Variants in CDK14 observed in about 807,000 individuals in gnomAD.
CDK14 encodes the protein cyclin dependent kinase 14, also known as cyclin-dependent kinase 14.
Under a neutral mutation model 60.7 loss-of-function variants are expected in CDK14, and 34 were observed. The ratio of observed to expected loss-of-function variants is 0.56; its 90% CI spans 0.43 to 0.75. CDK14 has a LOEUF of 0.75. CDK14 is among the 30% of genes least tolerant of loss of function. The pLI is 0.00. For missense variants in CDK14, 482 were observed against 564.1 expected (o/e 0.85, Z 1.47); for synonymous variants, 197 against 203.7 (o/e 0.97, Z 0.28).
At chr7:91,098,757 G>A (rs115099774) in intron 12 of CDK14, among the ~76,000 whole-genome samples, 43 of 152,192 alleles carry the variant, frequency 2.8e-4, no homozygotes, top group African/African-American at 9.6e-4. Flanking sequence ...ATTCACCAAA[G>A]TTGAGATAAA....
chr7:90,858,184 T>A (rs1790891065), intron 5 of CDK14, among the ~76,000 whole-genome samples: 1 of 152,176 alleles, frequency 6.6e-6, no homozygotes, highest in Non-Finnish European at 1.5e-5. Flanking sequence ...AAAAATGACT[T>A]GATGCTTTTC....
intron 2 of CDK14, among the ~76,000 whole-genome samples, chr7:90,687,698 T>A (rs1277753721): frequency 6.6e-6 from 1 of 152,134 alleles, no homozygotes; most frequent in Non-Finnish European, 1.5e-5. Context: ...AAGAGTCTCC[T>A]TCTCACCCCC....
intron 1 of CDK14, among the ~76,000 whole-genome samples, chr7:90,601,023 C>T (rs1403796010): frequency 1.3e-5 from 2 of 152,196 alleles, no homozygotes; most frequent in African/African-American, 2.4e-5. Flanking sequence ...CAGATTCTAC[C>T]ATGAAGATTA....
chr7:90,884,409 A>G (rs540078456), intron 6 of CDK14, among the ~76,000 whole-genome samples: 1 of 152,320 alleles, frequency 6.6e-6, no homozygotes, highest in Admixed American at 6.5e-5. Flanking sequence ...GGGGAACTAC[A>G]AACCATTGCT....
intron 9 of CDK14, among the ~76,000 whole-genome samples, chr7:90,956,039 A>G (rs1362357124): frequency 6.6e-6 from 1 of 152,178 alleles, no homozygotes; most frequent in Non-Finnish European, 1.5e-5. Flanking sequence ...GGACAGGGGC[A>G]GAGACATTTT....
chr7:91,180,008 T>C (rs1562984714), intron 14 of CDK14, among the ~76,000 whole-genome samples: 1 of 152,122 alleles, frequency 6.6e-6, no homozygotes, highest in Admixed American at 6.5e-5. Context: ...TATAGAGTAA[T>C]AAATCAAGAC....
chr7:91,108,892 A>T (rs187152984), intron 12 of CDK14, among the ~76,000 whole-genome samples: 1 of 152,352 alleles, frequency 6.6e-6, no homozygotes, highest in Admixed American at 6.5e-5. Context: ...TTGAGGTGCA[A>T]CTTAAAAGAG....
chr7:90,763,004 C>T (rs1212492557), intron 4 of CDK14, among the ~76,000 whole-genome samples: 5 of 151,988 alleles, frequency 3.3e-5, no homozygotes, highest in African/African-American at 7.3e-5. Flanking sequence ...CTGCAGTAGC[C>T]GTGTTAATTT....
At chr7:90,710,052 G>A in intron 2 of CDK14, 2 of 900,922 alleles carry the variant, frequency 2.2e-6, no homozygotes, top group Non-Finnish European at 1.3e-6. Context: ...AACTTAAAAA[G>A]GATTCATTTT....
intron 5 of CDK14, among the ~76,000 whole-genome samples, chr7:90,850,493 G>A (rs1269397392): frequency 6.6e-6 from 1 of 152,138 alleles, no homozygotes; most frequent in Non-Finnish European, 1.5e-5. Flanking sequence ...GAGAAGGTTA[G>A]AAAAGGCACC....
rs1011506672 is a variant in CDK14, at chr7:90,611,862, T to C, written c.123+7613T>C. Among the ~76,000 whole-genome samples the C allele has an allele frequency of 4.1e-5, 6 of 146,180 alleles. No homozygotes were observed. In the Admixed American group the frequency reaches 4.2e-4, roughly 10 times the overall value. ...TTTTTTTTTTTTTTGAGATGGAGTC[T>C]CACTCTGTCACCCAGGCTGGAGTGC... On this transcript the variant is annotated intron_variant, in intron 2 of 14. Transcript: ENST00000380050.
rs1799661618 is a variant in CDK14, at chr7:91,118,061, A to G, written c.1295-4A>G. 3.9e-6 allele frequency: 6 copies of G among 1,545,486 alleles called. No individual in the cohort carries two copies. In the East Asian group the frequency reaches 1.3e-4, roughly 35 times the overall value. Reference sequence around the variant, plus strand: ...TAAATGAAAACTTCATATTCTGTCCACAGTGTCTTCTATTTTTACTGTCCC... The same window carrying G: ...TAAATGAAAACTTCATATTCTGTCCGCAGTGTCTTCTATTTTTACTGTCCC... On this transcript the variant is annotated splice_polypyrimidine_tract_variant and splice_region_variant and intron_variant, in intron 13 of 14. Coordinates refer to ENST00000380050, the MANE Select transcript of CDK14 (RefSeq NM_001287135.2).
At position 90,810,086 on chromosome 7, in the gene CDK14, T is replaced by C. The variant is rs1448467293; in HGVS notation, c.544+19434T>C. On this transcript the variant is annotated intron_variant, in intron 5 of 14. Transcript: ENST00000380050. ...TTCCTTCTGAAACTATTCCAATCAA[T>C]AGAAAAAGAGGAAATCCTCCTTAAC... Among the ~76,000 whole-genome samples, 4 of 152,074 alleles carry C rather than the reference T, an allele frequency of 2.6e-5. No homozygotes were observed. The East Asian group carries it at 5.8e-4, about 22-fold the overall frequency.
chr7:90,654,583 A>T (rs915174212), intron 2 of CDK14, among the ~76,000 whole-genome samples: 1 of 152,184 alleles, frequency 6.6e-6, no homozygotes, highest in Non-Finnish European at 1.5e-5. Flanking sequence ...CATCAGATAG[A>T]ATTCCTGATG....
chr7:90,636,877 C>T (rs932747126), intron 2 of CDK14, among the ~76,000 whole-genome samples: 3 of 151,720 alleles, frequency 2.0e-5, no homozygotes, highest in East Asian at 3.9e-4. Context: ...GTGTATGTGT[C>T]GAGGAATTTA....
chr7:91,019,868 C>A (rs1373440788), intron 10 of CDK14, among the ~76,000 whole-genome samples: 3 of 152,158 alleles, frequency 2.0e-5, no homozygotes, highest in Non-Finnish European at 4.4e-5. Context: ...CCAAAGAACT[C>A]TTCCTATTCC....
chr7:91,086,936 G>A lies in CDK14; in HGVS notation c.1154+7456G>A, dbSNP rs894839828. On this transcript the variant is annotated intron_variant, in intron 12 of 14. Coordinates refer to ENST00000380050, the MANE Select transcript of CDK14 (RefSeq NM_001287135.2). ...GAGAAAAACACTATTCGCTTTTAGCGTTTTTGTTTTGTTTTTTTGCAGCTT... is the reference window on the plus strand; with the variant it reads ...GAGAAAAACACTATTCGCTTTTAGCATTTTTGTTTTGTTTTTTTGCAGCTT... Among the ~76,000 whole-genome samples the A allele has an allele frequency of 8.0e-4, 122 of 151,948 alleles. 2 individuals are homozygous for A. Among genetic ancestry groups the A allele is most frequent in the Non-Finnish European group, 1.5e-4 (10 of 67,962 alleles).
chr7:91,042,070 A>G (rs1797107405), intron 10 of CDK14, among the ~76,000 whole-genome samples: 2 of 152,222 alleles, frequency 1.3e-5, no homozygotes, highest in Admixed American at 1.3e-4. Context: ...CTTGGACCAG[A>G]GAGTCCAGAA....
chr7:91,184,498 G>A (rs1382414941), intron 14 of CDK14, among the ~76,000 whole-genome samples: 1 of 152,124 alleles, frequency 6.6e-6, no homozygotes, highest in Non-Finnish European at 1.5e-5. Context: ...GTCCAAAGGG[G>A]ACCAAGGCCC....
Sources: gnomAD v4.1 joint callset for allele counts (sites outside exome capture counted in the v4.1 genomes callset) on GRCh38, gnomAD v4.1.1 for gene constraint, MANE v1.5 for transcripts, NCBI Gene and HGNC (gene_info 2026-07-23, HGNC 2026-07-21) for gene names.